Variants in CDK14 observed in about 807,000 individuals in gnomAD.
The protein encoded by CDK14 is cyclin-dependent kinase 14.
In CDK14, 34 loss-of-function variants were observed where a neutral mutation model predicts 60.7. The ratio of observed to expected loss-of-function variants is 0.56; its 90% CI spans 0.43 to 0.75. CDK14 has a LOEUF of 0.75. Among genes scored for constraint, CDK14 ranks in the 30% least tolerant of loss-of-function variants. CDK14 has a pLI of 0.00. For synonymous variants in CDK14, 197 were observed against 203.7 expected (o/e 0.97, Z 0.28); for missense variants, 482 against 564.1 (o/e 0.85, Z 1.47).
chr7:91,054,097 T>TTTTTA (rs2116067979), intron 11 of CDK14, among the ~76,000 whole-genome samples: 1 of 149,330 alleles, frequency 6.7e-6, no homozygotes, highest in African/African-American at 2.5e-5. Context: ...AATTTTTTTT[T>TTTTTA]TTTTTTTTTT....
intron 2 of CDK14, chr7:90,710,276 T>C: frequency 2.0e-6 from 2 of 985,340 alleles, no homozygotes; most frequent in Non-Finnish European, 2.4e-6. Flanking sequence ...CTGAGTCTTA[T>C]TCCTTCTGAA....
intron 5 of CDK14, among the ~76,000 whole-genome samples, chr7:90,794,658 G>A (rs913368004): frequency 3.7e-4 from 56 of 152,138 alleles, no homozygotes; most frequent in African/African-American, 1.1e-3. Flanking sequence ...CTGTTATCCT[G>A]TTCTTTTTTC....
intron 9 of CDK14, among the ~76,000 whole-genome samples, chr7:90,961,635 A>G (rs1377465545): frequency 1.3e-5 from 2 of 152,232 alleles, no homozygotes; most frequent in Admixed American, 1.3e-4. Context: ...TGTCAAATGT[A>G]ACACCTCTTT....
At chr7:91,129,149 A>G (rs1206778846) in intron 14 of CDK14, among the ~76,000 whole-genome samples, 5 of 152,202 alleles carry the variant, frequency 3.3e-5, no homozygotes, top group African/African-American at 1.2e-4. Flanking sequence ...CAGGGCCTTC[A>G]TGGGGTCAAA....
intron 5 of CDK14, among the ~76,000 whole-genome samples, chr7:90,841,254 C>G (rs1790280849): frequency 6.6e-6 from 1 of 151,870 alleles, no homozygotes; most frequent in Non-Finnish European, 1.5e-5. Context: ...TTGTCCAAAC[C>G]CATACAATAT....
chr7:91,005,586 G>A (rs915733304), intron 10 of CDK14, among the ~76,000 whole-genome samples: 1 of 152,162 alleles, frequency 6.6e-6, no homozygotes, highest in Non-Finnish European at 1.5e-5. Flanking sequence ...CTTACACATT[G>A]TGGGTCAAAG....
chr7:90,802,466 G>C (rs1788677440), intron 5 of CDK14, among the ~76,000 whole-genome samples: 2 of 152,186 alleles, frequency 1.3e-5, no homozygotes, highest in Admixed American at 6.5e-5. Flanking sequence ...GGGTTTCTCA[G>C]TTGCATCCTC....
intron 2 of CDK14, among the ~76,000 whole-genome samples, chr7:90,679,181 G>A (rs1801264149): frequency 6.6e-6 from 1 of 151,998 alleles, no homozygotes; most frequent in Non-Finnish European, 1.5e-5. Context: ...CAAATTCCTG[G>A]GCTCAAGTAA....
rs1267728863 is a variant in CDK14, at chr7:91,209,805, A to C, written c.*2669A>C. 2 of 152,620 alleles carry C rather than the reference A, an allele frequency of 1.3e-5. No individual in the cohort carries two copies. Among genetic ancestry groups the C allele is most frequent in the African/African-American group, 4.8e-5 (2 of 41,458 alleles). 9.5% of individuals were successfully genotyped at this position (152,620 alleles called of 1,614,324 possible). On this transcript the variant is annotated 3_prime_UTR_variant, in exon 15 of 15. Coordinates refer to ENST00000380050, the MANE Select transcript of CDK14 (RefSeq NM_001287135.2). ...AAATGTTTGCAGTACTCAGCAAAAA[A>C]TAGGGTACATAAAGCAGGGTGGCTG...
At chr7:90,978,905 C>T (rs759315965) in intron 9 of CDK14, among the ~76,000 whole-genome samples, 1 of 152,044 alleles carries the variant, frequency 6.6e-6, no homozygotes, top group Non-Finnish European at 1.5e-5. Context: ...ATATATTATA[C>T]TTTCTTTTCT....
intron 2 of CDK14, among the ~76,000 whole-genome samples, chr7:90,685,050 A>C (rs1242819951): frequency 6.7e-6 from 1 of 149,896 alleles, no homozygotes; most frequent in African/African-American, 2.5e-5. Context: ...GGGTATGTTT[A>C]TAAAAGTTTT....
At chr7:91,187,882 A>G (rs1397580775) in intron 14 of CDK14, among the ~76,000 whole-genome samples, 2 of 151,254 alleles carry the variant, frequency 1.3e-5, no homozygotes, top group African/African-American at 4.8e-5. Flanking sequence ...GGCCTGCGCC[A>G]TACTGTCTTC....
At chr7:91,112,824 T>G (rs1045239941) in intron 13 of CDK14, 143 bp downstream of exon 13, 3 of 302,450 alleles carry the variant, frequency 9.9e-6, no homozygotes, top group Non-Finnish European at 1.8e-5. Flanking sequence ...GCATTACAGG[T>G]GTGTGTGTGT....
intron 14 of CDK14, among the ~76,000 whole-genome samples, chr7:91,122,723 C>A (rs1799818327): frequency 6.6e-6 from 1 of 152,148 alleles, no homozygotes; most frequent in Admixed American, 6.5e-5. Context: ...TCTCTTTGTC[C>A]CTCTACTTCT....
chr7:90,970,212 C>A (rs546074883), intron 9 of CDK14, among the ~76,000 whole-genome samples: 1 of 152,084 alleles, frequency 6.6e-6, no homozygotes, highest in Non-Finnish European at 1.5e-5. Context: ...GTGATCCACC[C>A]GCCTCTGCTT....
chr7:91,170,768 T>C (rs1273592536), intron 14 of CDK14, among the ~76,000 whole-genome samples: 7 of 148,804 alleles, frequency 4.7e-5, no homozygotes, highest in South Asian at 2.1e-4. Context: ...TTTTTTTTTT[T>C]CTTTTTTTTT....
At chr7:90,805,466 G>A (rs1362227396) in intron 5 of CDK14, among the ~76,000 whole-genome samples, 9 of 151,720 alleles carry the variant, frequency 5.9e-5, no homozygotes, top group Admixed American at 3.9e-4. Context: ...CCATATTTGT[G>A]TATACTAGCA....
chr7:90,612,232 C>G (rs1799554668), intron 2 of CDK14, among the ~76,000 whole-genome samples: 1 of 152,152 alleles, frequency 6.6e-6, no homozygotes, highest in African/African-American at 2.4e-5. Context: ...GTTCAATAAA[C>G]TCTTCATTGG....
At chr7:91,138,026 G>A (rs1584114015) in intron 14 of CDK14, among the ~76,000 whole-genome samples, 1 of 152,192 alleles carries the variant, frequency 6.6e-6, no homozygotes, top group East Asian at 1.9e-4. Flanking sequence ...CTGTGGAATG[G>A]GTATTGAGTT....
Sources: gnomAD v4.1 joint callset for allele counts (sites outside exome capture counted in the v4.1 genomes callset) on GRCh38, gnomAD v4.1.1 for gene constraint, MANE v1.5 for transcripts, NCBI Gene and HGNC (gene_info 2026-07-23, HGNC 2026-07-21) for gene names.